The following FUT8 variants were observed in gnomAD, a reference collection of about 807,000 sequenced individuals.
FUT8 encodes the protein alpha-(1,6)-fucosyltransferase.
Under a neutral mutation model 71.3 loss-of-function variants are expected in FUT8, and 29 were observed. The observed-to-expected ratio is 0.41, with a 90% CI of 0.30 to 0.55. The LOEUF is 0.55. FUT8 is among the 20% of genes least tolerant of loss of function. The probability of loss-of-function intolerance (pLI) is 0.34; values close to 1 mark genes in which losing one functional copy is unlikely to be tolerated. For synonymous variants in FUT8, 254 were observed against 239.3 expected (o/e 1.06, Z -0.57); for missense variants, 544 against 702.1 (o/e 0.77, Z 2.55).
At chr14:65,661,281 A>G (rs1891949495) in intron 6 of FUT8, among the ~76,000 whole-genome samples, 1 of 151,760 alleles carries the variant, frequency 6.6e-6, no homozygotes, top group Non-Finnish European at 1.5e-5. Context: ...TGAAATCGAT[A>G]AGGGCAGTGG....
chr14:65,663,208 C>T (rs1892055277), intron 6 of FUT8, among the ~76,000 whole-genome samples: 1 of 152,006 alleles, frequency 6.6e-6, no homozygotes, highest in Non-Finnish European at 1.5e-5. Flanking sequence ...TTGAAAATTA[C>T]AAAACTATGG....
At chr14:65,549,876 A>G (rs1169429902) in intron 2 of FUT8, among the ~76,000 whole-genome samples, 1 of 152,150 alleles carries the variant, frequency 6.6e-6, no homozygotes, top group Non-Finnish European at 1.5e-5. Flanking sequence ...AGAGGTTTAC[A>G]CAGTGAAAAC....
intron 3 of FUT8, among the ~76,000 whole-genome samples, chr14:65,608,650 C>A (rs1033795356): frequency 6.6e-6 from 1 of 151,826 alleles, no homozygotes; most frequent in Non-Finnish European, 1.5e-5. Context: ...CATATCAAAT[C>A]TCAGAAAAAC....
At chr14:65,470,275 C>T (rs561140343) in intron 2 of FUT8, among the ~76,000 whole-genome samples, 2 of 152,378 alleles carry the variant, frequency 1.3e-5, no homozygotes, top group South Asian at 2.1e-4. Context: ...GGGGGGCCTT[C>T]CTGAGCCCCC....
intron 5 of FUT8, among the ~76,000 whole-genome samples, chr14:65,624,299 T>A (rs951095272): frequency 3.4e-4 from 49 of 144,266 alleles, no homozygotes; most frequent in Non-Finnish European, 6.1e-4. Flanking sequence ...TTTTTTTTTT[T>A]ATTTGATGTT....
At chr14:65,536,998 ATTTCAGAAAGC>A (rs1289930832) in intron 2 of FUT8, among the ~76,000 whole-genome samples, 1 of 75,594 alleles carries the variant, frequency 1.3e-5, no homozygotes. Flanking sequence ...TGACTGTCTT[ATTTCAGAAAGC>A]CAGTCTTCAA....
chr14:65,659,836 C>T (rs1002678376), intron 6 of FUT8, among the ~76,000 whole-genome samples: 6 of 151,972 alleles, frequency 3.9e-5, no homozygotes, highest in South Asian at 4.1e-4. Context: ...GGAAAGAGAC[C>T]GTAATGAATT....
chr14:65,597,783 T>C (rs1888074816), intron 3 of FUT8, among the ~76,000 whole-genome samples: 1 of 152,216 alleles, frequency 6.6e-6, no homozygotes, highest in Non-Finnish European at 1.5e-5. Flanking sequence ...CTAGTAGCAC[T>C]GACTAATATG....
At chr14:65,548,434 C>T (rs1034016010) in intron 2 of FUT8, among the ~76,000 whole-genome samples, 5 of 151,892 alleles carry the variant, frequency 3.3e-5, no homozygotes, top group Non-Finnish European at 7.4e-5. Flanking sequence ...AACTAGTATT[C>T]CTTTGTTTTC....
chr14:65,634,586 AG>A (rs1890438616), intron 6 of FUT8, among the ~76,000 whole-genome samples: 3 of 150,698 alleles, frequency 2.0e-5, no homozygotes, highest in Non-Finnish European at 4.4e-5. Flanking sequence ...AAAAAAGAAA[AG>A]GGTGTCCTTT....
chr14:65,459,535 T>A (rs546223988), intron 2 of FUT8, among the ~76,000 whole-genome samples: 1 of 152,282 alleles, frequency 6.6e-6, no homozygotes, highest in South Asian at 2.1e-4. Flanking sequence ...TAAATAATAT[T>A]AAATTGAGTA....
intron 1 of FUT8, among the ~76,000 whole-genome samples, chr14:65,434,427 C>G (rs998821372): frequency 6.6e-6 from 1 of 152,210 alleles, no homozygotes; most frequent in African/African-American, 2.4e-5. Flanking sequence ...GGGGAATTGT[C>G]GTTGACATTA....
intron 7 of FUT8, among the ~76,000 whole-genome samples, chr14:65,691,722 G>A (rs2140439870): frequency 6.6e-6 from 1 of 151,906 alleles, no homozygotes; most frequent in East Asian, 1.9e-4. Flanking sequence ...AAAGGTCTCT[G>A]GTTTTCCTAG....
intron 1 of FUT8, among the ~76,000 whole-genome samples, chr14:65,427,813 C>T (rs1161328746): frequency 6.6e-6 from 1 of 152,206 alleles, no homozygotes; most frequent in Non-Finnish European, 1.5e-5. Context: ...AAAACCCATT[C>T]TTGTCCATTT....
rs187370617 is a variant in FUT8, at chr14:65,716,769, C to A, written c.836-5006C>A. Among the ~76,000 whole-genome samples the A allele has an allele frequency of 2.3e-3, 348 of 152,166 alleles. 1 individual carries two copies. Among genetic ancestry groups the A allele is most frequent in the African/African-American group, 8.3e-3 (344 of 41,496 alleles). On this transcript the variant is annotated intron_variant, in intron 7 of 10. Transcript: ENST00000673929. ...TCTTTGGAGCTGTTGGGTACACCTC[C>A]CAGATGGGGCAGCCAGGCAGAGGCA...
intron 2 of FUT8, among the ~76,000 whole-genome samples, chr14:65,536,106 A>AT (rs769970773): frequency 4.0e-5 from 6 of 151,736 alleles, no homozygotes. Context: ...TGCTTGGTAG[A>AT]TTTTTCTCCA....
intron 3 of FUT8, among the ~76,000 whole-genome samples, chr14:65,573,279 G>A (rs1768918703): frequency 1.3e-5 from 2 of 152,042 alleles, no homozygotes; most frequent in Non-Finnish European, 2.9e-5. Flanking sequence ...TATGTGGAAT[G>A]TAAGGTAAGA....
chr14:65,502,318 A>C (rs545212621), intron 2 of FUT8, among the ~76,000 whole-genome samples: 5 of 151,776 alleles, frequency 3.3e-5, no homozygotes, highest in South Asian at 4.2e-4. Flanking sequence ...TCCACCCCCC[A>C]GGTTCAAGTG....
chr14:65,695,396 CTG>C (rs1242413040), intron 7 of FUT8, among the ~76,000 whole-genome samples: 1 of 149,484 alleles, frequency 6.7e-6, no homozygotes, highest in African/African-American at 2.6e-5. Flanking sequence ...AATTAAACCT[CTG>C]TCATTATATA....
Sources: allele counts gnomAD v4.1 joint callset (sites outside exome capture counted in the v4.1 genomes callset), GRCh38; gene constraint gnomAD v4.1.1; transcripts MANE v1.5; gene names NCBI Gene and HGNC (gene_info 2026-07-23, HGNC 2026-07-21).